Variants in GTF2I observed in about 807,000 individuals in gnomAD.
GTF2I encodes general transcription factor IIi, also known as general transcription factor II-I.
In GTF2I, 12 loss-of-function variants were observed where a neutral mutation model predicts 67.6. That is an observed-to-expected ratio of 0.18 (90% CI 0.11 to 0.29). The LOEUF is 0.29. Among genes scored for constraint, GTF2I ranks in the 10% least tolerant of loss-of-function variants. The probability of loss-of-function intolerance (pLI) is 1.00; values close to 1 mark genes in which losing one functional copy is unlikely to be tolerated. For synonymous variants in GTF2I, 149 were observed against 197.0 expected (o/e 0.76, Z 2.04); for missense variants, 271 against 580.1 (o/e 0.47, Z 5.47).
chr7:74,704,855 TAAAAAAA>T (rs35715710), intron 6 of GTF2I, among the ~76,000 whole-genome samples: 3 of 76,978 alleles, frequency 3.9e-5, no homozygotes, highest in South Asian at 5.9e-4. Flanking sequence ...ACCCTGTTTC[TAAAAAAA>T]AAAAAAAAAA....
chr7:74,699,275 A>T (rs1789394961), intron 4 of GTF2I, among the ~76,000 whole-genome samples, 180 bp downstream of exon 4: 1 of 151,752 alleles, frequency 6.6e-6, no homozygotes, highest in Non-Finnish European at 1.5e-5. Flanking sequence ...AAGTGTGGCC[A>T]GTAGAGCTGT....
chr7:74,689,144 A>G lies in GTF2I; in HGVS notation c.16A>G (p.Met6Val), dbSNP rs1554396193. 6.2e-7 allele frequency: 1 copy of G among 1,610,742 alleles called. No homozygotes were observed. The highest frequency in any genetic ancestry group is 8.5e-7 in the Non-Finnish European group (1 of 1,177,152). The stretch of plus-strand genomic sequence containing the variant: ...CACAGGGATCATGGCCCAAGTTGCA[A>G]TGTCCACCCTCCCCGTTGAAGATGA... MAQVA[M>V]STLPVEDEES... is the part of the protein sequence containing the mutation. Residue 6 changes from methionine to valine, a missense_variant, in exon 2 of 35, where the codon ATG becomes GTG. Physicochemically the swap from Met to Val is conservative, Grantham distance 21. Coordinates refer to ENST00000573035, the MANE Select transcript of GTF2I (RefSeq NM_032999.4).
chr7:74,686,958 T>G (rs1245927536), intron 1 of GTF2I, among the ~76,000 whole-genome samples: 1 of 151,978 alleles, frequency 6.6e-6, no homozygotes, highest in Non-Finnish European at 1.5e-5. Flanking sequence ...GGCGTGATTT[T>G]GGCTCACTGC....
chr7:74,702,698 A>G (rs1332548961), intron 6 of GTF2I, among the ~76,000 whole-genome samples: 7 of 149,938 alleles, frequency 4.7e-5, no homozygotes, highest in South Asian at 2.1e-4. Context: ...AAATTTCTCT[A>G]GTGATTGTTG....
intron 1 of GTF2I, among the ~76,000 whole-genome samples, chr7:74,662,551 C>G: frequency 1.1e-5 from 1 of 90,240 alleles, no homozygotes; most frequent in South Asian, 3.8e-4. Context: ...GAGACACAGT[C>G]TTGCTCTATC....
chr7:74,712,489 TG>T (rs1791700136), intron 9 of GTF2I, among the ~76,000 whole-genome samples: 1 of 1,308 alleles, frequency 7.6e-4, no homozygotes, highest in Non-Finnish European at 1.3e-3. Context: ...CTCCCGGGAG[TG>T]TGTGTGTGTG....
chr7:74,662,623 A>C (rs587612478), intron 1 of GTF2I, among the ~76,000 whole-genome samples: 19 of 136,214 alleles, frequency 1.4e-4, no homozygotes, highest in African/African-American at 4.6e-4. Context: ...CCTGGGTTGA[A>C]GTGATTCTCC....
chr7:74,660,456 T>C (rs1804375236), intron 1 of GTF2I, among the ~76,000 whole-genome samples: 2 of 152,096 alleles, frequency 1.3e-5, no homozygotes, highest in African/African-American at 2.4e-5. Context: ...TCTCCGAAAG[T>C]GCTGGGATTA....
intron 1 of GTF2I, among the ~76,000 whole-genome samples, chr7:74,670,606 C>CT (rs1343188842): frequency 2.7e-5 from 4 of 150,450 alleles, no homozygotes; most frequent in African/African-American, 9.8e-5. Context: ...AGGAGAATTG[C>CT]TTGAACCTGG....
At chr7:74,666,741 G>T (rs991559605) in intron 1 of GTF2I, among the ~76,000 whole-genome samples, 4 of 151,604 alleles carry the variant, frequency 2.6e-5, no homozygotes, top group African/African-American at 9.7e-5. Flanking sequence ...TCCAAGGCGG[G>T]TGGATCACGA....
Position 74,712,564 on chromosome 7 carries a change from G to A in GTF2I, c.763+1455G>A, listed in dbSNP as rs139638404. ...ATGTCATATTTATTGTTTTATATAT[G>A]CCACTTCCTGAGTGAAGCTTACACA... On this transcript the variant is annotated intron_variant, in intron 9 of 34. Transcript: ENST00000573035. Among the ~76,000 whole-genome samples the A allele has an allele frequency of 1.1e-3, 163 of 150,294 alleles. 1 individual carries two copies. The East Asian group carries it at 0.031, about 29-fold the overall frequency.
In GTF2I at chr7:74,689,108, T is replaced by A. The variant is rs781920474; in HGVS notation, c.-5-16T>A. The A allele has an allele frequency of 2.0e-6, 3 of 1,510,940 alleles. No homozygotes were observed. Among genetic ancestry groups the A allele is most frequent in the Middle Eastern group, 1.7e-4 (1 of 5,808 alleles). The allele number at this position is 1,510,940 out of a possible 1,614,324, so 93.6% of individuals were successfully genotyped here. A position where few individuals can be genotyped will look rare whatever the true frequency, so the allele number is the denominator to read the frequency against. On this transcript the variant is annotated splice_polypyrimidine_tract_variant and intron_variant, in intron 1 of 34. Coordinates refer to ENST00000573035, the MANE Select transcript of GTF2I (RefSeq NM_032999.4). ...AGATTTCTACCACTCACTTTCTTCT[T>A]ACTTCTCCTGCACAGGGATCATGGC...
chr7:74,730,793 G>C (rs1317902530), intron 14 of GTF2I, among the ~76,000 whole-genome samples: 4 of 108,480 alleles, frequency 3.7e-5, no homozygotes, highest in South Asian at 3.7e-4. Context: ...TGCAACCTCC[G>C]CCTCCCGGGT....
intron 1 of GTF2I, among the ~76,000 whole-genome samples, chr7:74,682,300 C>G (rs1468230998): frequency 6.6e-6 from 1 of 152,120 alleles, no homozygotes; most frequent in Admixed American, 6.5e-5. Flanking sequence ...ACAACCAACA[C>G]TGTTGTAAAA....
At chr7:74,743,607 G>GGC (rs1795199814) in intron 20 of GTF2I, 87 bp downstream of exon 20, 3 of 610,736 alleles carry the variant, frequency 4.9e-6, no homozygotes, top group Non-Finnish European at 9.2e-6. Flanking sequence ...GGACCAGCCG[G>GGC]GTGCAGTGGC....
intron 1 of GTF2I, among the ~76,000 whole-genome samples, chr7:74,679,524 GTTAA>G (rs1240909652): frequency 8.5e-5 from 13 of 152,192 alleles, no homozygotes; most frequent in African/African-American, 3.1e-4. Flanking sequence ...ATGAGTGGCA[GTTAA>G]TTCTCTGCTG....
At chr7:74,714,822 G>A (rs782501044) in intron 9 of GTF2I, 35 bp from the exon 10 acceptor site, 7 of 1,463,910 alleles carry the variant, frequency 4.8e-6, no homozygotes, top group East Asian at 2.4e-5. Flanking sequence ...TTTTGGGGGG[G>A]ATTACTTTTG....
At chr7:74,716,799 A>G in intron 10 of GTF2I, 95 bp from the exon 11 acceptor site, 1 of 750,280 alleles carries the variant, frequency 1.3e-6, no homozygotes, top group Non-Finnish European at 2.3e-6. Context: ...TATGTTTATT[A>G]TGTCTTAGAT....
At chr7:74,717,136 T>A in intron 11 of GTF2I, 186 bp downstream of exon 11, 1 of 653,346 alleles carries the variant, frequency 1.5e-6, no homozygotes, top group Non-Finnish European at 2.3e-6. Flanking sequence ...TTGACCATAC[T>A]GATTAATAAA....
Sources: gnomAD v4.1 joint callset for allele counts (sites outside exome capture counted in the v4.1 genomes callset) on GRCh38, gnomAD v4.1.1 for gene constraint, MANE v1.5 for transcripts, NCBI Gene and HGNC (gene_info 2026-07-23, HGNC 2026-07-21) for gene names.